Variants in ZNF738 observed in about 807,000 individuals in gnomAD.
ZNF738 encodes zinc finger protein 738, also known as protein ZNF738.
ZNF738 carries 10 observed loss-of-function variants against 9.2 expected under a neutral mutation model. That is an observed-to-expected ratio of 1.09 (90% CI 0.67 to 1.85). The LOEUF (loss-of-function observed/expected upper bound fraction) is 1.85. ZNF738 is among the 40% of genes most tolerant of loss of function. ZNF738 has a pLI of 0.00. For synonymous variants in ZNF738, 113 were observed against 94.5 expected (o/e 1.20, Z -1.14); for missense variants, 346 against 283.6 (o/e 1.22, Z -1.58).
At chr19:21,366,295 T>C (rs2127405) in intron 2 of ZNF738, among the ~76,000 whole-genome samples, 85,443 of 151,438 alleles carry the variant, frequency 0.56, 24,333 homozygotes, top group Middle Eastern at 0.68. Context: ...CCTTCCTAAG[T>C]TGGGTCTTGA....
chr19:21,359,059 T>G lies in ZNF738; in HGVS notation c.-82T>G. Reference sequence around the variant, plus strand: ...TTCACTGCTCTGTGTCCTCTGCTCCTAGAGGCCCAGCCTCTGGTCCTGTGA... The same window carrying G: ...TTCACTGCTCTGTGTCCTCTGCTCCGAGAGGCCCAGCCTCTGGTCCTGTGA... On this transcript the variant is annotated 5_prime_UTR_variant, in exon 1 of 5. Coordinates refer to ENST00000683779, the MANE Select transcript of ZNF738 (RefSeq NM_001355237.2). The G allele has an allele frequency of 1.1e-6, 1 of 872,882 alleles. No individual in the cohort carries two copies. Among genetic ancestry groups the G allele is most frequent in the Non-Finnish European group, 2.0e-6 (1 of 508,088 alleles). 54.1% of individuals were successfully genotyped at this position (872,882 alleles called of 1,614,324 possible).
At chr19:21,371,321 C>T (rs1973854439) in intron 2 of ZNF738, among the ~76,000 whole-genome samples, 1 of 152,178 alleles carries the variant, frequency 6.6e-6, no homozygotes, top group Non-Finnish European at 1.5e-5. Flanking sequence ...TCCTAATCAC[C>T]TGGGTGTCCT....
In ZNF738 at chr19:21,361,820, G is replaced by A. The variant is rs753123867; in HGVS notation, c.58G>A (p.Ala20Thr). 17 of 780,774 alleles carry A rather than the reference G, an allele frequency of 2.2e-5. No individual in the cohort carries two copies. The South Asian group carries it at 2.3e-4, about 10-fold the overall frequency. The allele number at this position is 780,774 out of a possible 1,614,324, so 48.4% of individuals were successfully genotyped here. A position where few individuals can be genotyped will look rare whatever the true frequency, so the allele number is the denominator to read the frequency against. Residue 20 changes from alanine (A) to threonine (T), a missense_variant, in exon 2 of 5, where the codon GCT becomes ACT. By Grantham distance (58) the Ala-to-Thr change is moderately conservative. Coordinates refer to ENST00000683779, the MANE Select transcript of ZNF738 (RefSeq NM_001355237.2). ...PVKGASGYPG[A>T]ERNLLEYSYF... ...CAAGGGGGCAAGTGGATACCCTGGG[G>A]CTGAGAGGAATCTTCTGGAGTACTC...
In ZNF738 at chr19:21,383,354, A is replaced by T; in HGVS notation, c.808A>T (p.Asn270Tyr). ...YKHEECGKGF[N>Y]HSTTLTRHKV... Reference sequence around the variant, plus strand: ...ACATGAAGAATGTGGAAAAGGTTTTAACCACTCCACAACTCTTACTAGACA... The same window carrying T: ...ACATGAAGAATGTGGAAAAGGTTTTTACCACTCCACAACTCTTACTAGACA... Residue 270 changes from asparagine (N) to tyrosine (Y), a missense_variant, in exon 5 of 5, where the codon AAC (asparagine) becomes TAC (tyrosine). Coordinates refer to ENST00000683779, the MANE Select transcript of ZNF738 (RefSeq NM_001355237.2). 1 of 1,185,188 alleles carries T rather than the reference A, an allele frequency of 8.4e-7. No homozygotes were observed. The highest frequency in any genetic ancestry group is 1.2e-6 in the Non-Finnish European group (1 of 813,628). 73.4% of individuals were successfully genotyped at this position (1,185,188 alleles called of 1,614,324 possible).
intron 4 of ZNF738, chr19:21,381,716 A>C: frequency 3.1e-6 from 1 of 320,644 alleles, no homozygotes; most frequent in South Asian, 4.2e-5. Context: ...GATGGTCTCG[A>C]TCTCCTGACC....
At chr19:21,361,060 C>G (rs944732637) in intron 1 of ZNF738, among the ~76,000 whole-genome samples, 3 of 151,658 alleles carry the variant, frequency 2.0e-5, no homozygotes, top group Non-Finnish European at 4.4e-5. Context: ...GTGATCCGCC[C>G]GCCTTGGCCT....
chr19:21,381,355 G>A (rs778174362), intron 4 of ZNF738: 22 of 1,502,666 alleles, frequency 1.5e-5, no homozygotes, highest in Non-Finnish European at 2.0e-5. Context: ...TCTTTTTGAT[G>A]AATACTCTGA....
chr19:21,380,839 TCAC>T (rs1973994142), intron 4 of ZNF738, among the ~76,000 whole-genome samples: 1 of 152,038 alleles, frequency 6.6e-6, no homozygotes, highest in African/African-American at 2.4e-5. Flanking sequence ...ATTTTAGGAG[TCAC>T]CGATCTGTTT....
rs1295361362 is a variant in ZNF738 at position 21,372,937 on chromosome 19, A to G, written c.97-2301A>G. 3.9e-5 allele frequency: 6 copies of G among 152,142 alleles called. No individual in the cohort carries two copies. In the South Asian group the frequency reaches 8.3e-4, roughly 21 times the overall value. 9.4% of individuals were successfully genotyped at this position (152,142 alleles called of 1,614,324 possible). A position where few individuals can be genotyped will look rare whatever the true frequency, so the allele number is the denominator to read the frequency against. ...GCCAGCAAAGAATATGAAACTTTAC[A>G]TTTTTTGTCTTTATTTGGGTATCAG... On this transcript the variant is annotated intron_variant, in intron 2 of 4. Coordinates refer to ENST00000683779, the MANE Select transcript of ZNF738 (RefSeq NM_001355237.2).
At chr19:21,370,409 G>C (rs1973841384) in intron 2 of ZNF738, among the ~76,000 whole-genome samples, 1 of 152,044 alleles carries the variant, frequency 6.6e-6, no homozygotes, top group African/African-American at 2.4e-5. Context: ...AGAATAAGTT[G>C]GAAAGAAGTC....
chr19:21,367,924 G>A (rs1459015360), intron 2 of ZNF738, among the ~76,000 whole-genome samples: 1 of 152,208 alleles, frequency 6.6e-6, no homozygotes, highest in Non-Finnish European at 1.5e-5. Flanking sequence ...CACTGTATCT[G>A]CAGCAGTAAC....
intron 4 of ZNF738, chr19:21,381,858 G>C: frequency 3.6e-6 from 1 of 279,676 alleles, no homozygotes; most frequent in Non-Finnish European, 7.2e-6. Flanking sequence ...AGGGCGGCCT[G>C]GGTGGGCTGC....
intron 4 of ZNF738, chr19:21,381,900 C>T: frequency 3.9e-6 from 1 of 257,594 alleles, no homozygotes. Context: ...TGGACAGTTG[C>T]CTGGACTAAG....
chr19:21,381,139 G>C lies in ZNF738; in HGVS notation c.320-1727G>C, dbSNP rs1973997973. On this transcript the variant is annotated intron_variant, in intron 4 of 4. Transcript: ENST00000683779. ...CAAGGCAGCAGCACATTAAGCACGT[G>C]AGAGTCACATGATTTCTGCAGTGAG... The C allele has an allele frequency of 3.5e-6, 3 of 847,010 alleles. No individual in the cohort carries two copies. The African/African-American group carries it at 5.1e-5, about 14-fold the overall frequency. The allele number at this position is 847,010 out of a possible 1,614,324, so 52.5% of individuals were successfully genotyped here.
rs1974076413 is a variant in ZNF738 at position 21,387,081 on chromosome 19, T to G, written c.*3407T>G. On this transcript the variant is annotated 3_prime_UTR_variant, in exon 5 of 5. Transcript: ENST00000683779. The stretch of plus-strand genomic sequence containing the variant: ...TCCACAAACCAGAAAGATGCAATAA[T>G]GCTTTTGACAACACCTCAAGCTTTT... 1 of 153,452 alleles carries G rather than the reference T, an allele frequency of 6.5e-6. No homozygotes were observed. Among genetic ancestry groups the G allele is most frequent in the South Asian group, 2.1e-4 (1 of 4,824 alleles). The allele number at this position is 153,452 out of a possible 1,614,324, so 9.5% of individuals were successfully genotyped here.
At chr19:21,373,361 G>A (rs1973880870) in intron 2 of ZNF738, among the ~76,000 whole-genome samples, 1 of 152,146 alleles carries the variant, frequency 6.6e-6, no homozygotes, top group Admixed American at 6.5e-5. Flanking sequence ...AGAATCAAGT[G>A]TGTGGGGTTC....
intron 4 of ZNF738, 34 bp downstream of exon 4, chr19:21,375,998 T>C (rs1973922963): frequency 1.4e-6 from 1 of 698,444 alleles, no homozygotes; most frequent in African/African-American, 1.8e-5. Context: ...TTGACATAGA[T>C]GAAAGGTTGG....
At chr19:21,375,216 T>TGC (rs746773619) in intron 2 of ZNF738, 22 bp from the exon 3 acceptor site, 3 of 1,048,872 alleles carry the variant, frequency 2.9e-6, no homozygotes, top group South Asian at 2.8e-5. Flanking sequence ...TGTAAATATG[T>TGC]GTGTGTGTGT....
intron 2 of ZNF738, among the ~76,000 whole-genome samples, chr19:21,369,574 A>ACCAGTTT (rs139027172): frequency 0.023 from 3,550 of 152,206 alleles, 144 homozygotes; most frequent in African/African-American, 0.077. Context: ...AAGGAAGGGG[A>ACCAGTTT]CCAGTTTCAA....
Sources: allele counts gnomAD v4.1 joint callset (sites outside exome capture counted in the v4.1 genomes callset), GRCh38; gene constraint gnomAD v4.1.1; transcripts MANE v1.5; gene names NCBI Gene and HGNC (gene_info 2026-07-23, HGNC 2026-07-21).